MIPOL1: variants seen among roughly 807,000 people sequenced by gnomAD.
The protein encoded by MIPOL1 is mirror-image polydactyly 1, also known as mirror-image polydactyly gene 1 protein.
Under a neutral mutation model 60.9 loss-of-function variants are expected in MIPOL1, and 57 were observed. The ratio of observed to expected loss-of-function variants is 0.94; its 90% confidence interval spans 0.76 to 1.17. The LOEUF (loss-of-function observed/expected upper bound fraction) is 1.17. Ranked by LOEUF, MIPOL1 falls within the 50% of genes most tolerant of loss-of-function variation. The pLI is 0.00. For synonymous variants in MIPOL1, 179 were observed against 168.8 expected (o/e 1.06, Z -0.47); for missense variants, 551 against 511.6 (o/e 1.08, Z -0.74).
intron 12 of MIPOL1, among the ~76,000 whole-genome samples, chr14:37,513,131 A>G (rs1370590593): frequency 6.6e-6 from 1 of 152,096 alleles, no homozygotes; most frequent in East Asian, 1.9e-4. Context: ...AAACATGCTT[A>G]ATTTTTATTC....
chr14:37,314,594 TATC>T (rs1285812375), intron 9 of MIPOL1, among the ~76,000 whole-genome samples: 1 of 152,186 alleles, frequency 6.6e-6, no homozygotes, highest in Non-Finnish European at 1.5e-5. Context: ...CCATTTTAAA[TATC>T]ATCTCTTCTG....
chr14:37,488,112 G>A (rs2094982663), intron 11 of MIPOL1, among the ~76,000 whole-genome samples: 1 of 152,120 alleles, frequency 6.6e-6, no homozygotes. Context: ...TTCAGGAGCA[G>A]GTTGTTCAGA....
At chr14:37,240,932 C>CA (rs1234315357) in intron 1 of MIPOL1, among the ~76,000 whole-genome samples, 1 of 124,428 alleles carries the variant, frequency 8.0e-6, no homozygotes, top group African/African-American at 3.9e-5. Flanking sequence ...AGGTGACACA[C>CA]ACACACATAC....
chr14:37,449,891 C>T (rs1420515801), intron 11 of MIPOL1, among the ~76,000 whole-genome samples: 3 of 152,218 alleles, frequency 2.0e-5, no homozygotes, highest in African/African-American at 7.2e-5. Context: ...CAGCTCACTG[C>T]AACCTTTGCC....
intron 3 of MIPOL1, among the ~76,000 whole-genome samples, 156 bp from the exon 4 acceptor site, chr14:37,266,782 C>T (rs1046305773): frequency 2.0e-5 from 3 of 152,186 alleles, no homozygotes; most frequent in African/African-American, 7.2e-5. Context: ...TTATCTACAA[C>T]TTATCCCAAT....
intron 9 of MIPOL1, among the ~76,000 whole-genome samples, chr14:37,336,100 T>C (rs2090089872): frequency 2.0e-5 from 2 of 99,094 alleles, no homozygotes; most frequent in Admixed American, 3.2e-4. Context: ...GGGTCCAAAT[T>C]CATGGTTTTT....
chr14:37,479,072 T>G (rs1321302894), intron 11 of MIPOL1, among the ~76,000 whole-genome samples: 1 of 152,140 alleles, frequency 6.6e-6, no homozygotes, highest in Non-Finnish European at 1.5e-5. Flanking sequence ...GACGTCAATA[T>G]ACCACTTTAT....
intron 6 of MIPOL1, chr14:37,277,813 G>T (rs1220810140): frequency 6.6e-6 from 1 of 151,408 alleles, no homozygotes; most frequent in Non-Finnish European, 1.5e-5. Flanking sequence ...TGTATACAAA[G>T]ATATCCATTA....
At chr14:37,347,731 A>C (rs1460019600) in intron 9 of MIPOL1, among the ~76,000 whole-genome samples, 3 of 152,232 alleles carry the variant, frequency 2.0e-5, no homozygotes, top group African/African-American at 4.8e-5. Flanking sequence ...TGTGAAACTC[A>C]TAGTGACTTT....
At chr14:37,466,995 T>C in intron 11 of MIPOL1, among the ~76,000 whole-genome samples, 1 of 152,242 alleles carries the variant, frequency 6.6e-6, no homozygotes, top group East Asian at 1.9e-4. Flanking sequence ...TATTTCCTGG[T>C]GATCAAAACA....
chr14:37,439,868 ATT>A (rs948396123), intron 11 of MIPOL1, among the ~76,000 whole-genome samples: 2 of 152,002 alleles, frequency 1.3e-5, no homozygotes, highest in African/African-American at 4.8e-5. Context: ...TAATGAATTT[ATT>A]TTTTTTGAGA....
intron 12 of MIPOL1, chr14:37,504,872 GAAGA>G (rs1301239342): frequency 1.3e-5 from 2 of 152,048 alleles, no homozygotes; most frequent in East Asian, 3.9e-4. Context: ...GACTAATAAA[GAAGA>G]GAGAGAAGAA....
intron 10 of MIPOL1, among the ~76,000 whole-genome samples, chr14:37,384,077 A>G (rs560029553): frequency 6.6e-6 from 1 of 152,068 alleles, no homozygotes; most frequent in South Asian, 2.1e-4. Context: ...GTGCCCATAG[A>G]TAACATGCAT....
intron 1 of MIPOL1, chr14:37,227,792 T>C (rs1392366833): frequency 6.6e-6 from 1 of 152,180 alleles, no homozygotes; most frequent in Non-Finnish European, 1.5e-5. Context: ...CTCAAGGTTG[T>C]TGTGGGAGAA....
chr14:37,271,968 A>G (rs1036874349), intron 6 of MIPOL1, among the ~76,000 whole-genome samples: 1 of 151,632 alleles, frequency 6.6e-6, no homozygotes, highest in Non-Finnish European at 1.5e-5. Context: ...TTTATAATGT[A>G]GCTAAGCAGA....
chr14:37,288,380 A>G (rs990667072), intron 7 of MIPOL1, among the ~76,000 whole-genome samples: 1 of 152,172 alleles, frequency 6.6e-6, no homozygotes, highest in African/African-American at 2.4e-5. Context: ...AACTGTAATT[A>G]CTTTACAAGA....
rs868059605 is a variant in MIPOL1, at chr14:37,372,772, T to A, written c.936+3148T>A. 5.7e-3 allele frequency among the ~76,000 whole-genome samples: 690 copies of A among 120,948 alleles called. 5 individuals carry two copies. Among genetic ancestry groups the A allele is most frequent in the African/African-American group, 0.018 (611 of 33,768 alleles). The allele number at this position is 120,948 out of a possible 152,430, so 79.3% of individuals were successfully genotyped here. On this transcript the variant is annotated intron_variant, in intron 10 of 12. Transcript: ENST00000684589. ...TCCGTCTCAAAAAAAAAAAAAAAAA[T>A]TGCTAGGCATAGCACTGTTTCTCCT...
chr14:37,225,117 T>C, intron 1 of MIPOL1, among the ~76,000 whole-genome samples: 1 of 152,202 alleles, frequency 6.6e-6, no homozygotes, highest in East Asian at 1.9e-4. Flanking sequence ...CCTTGTGTTC[T>C]TGCAGGGTAC....
chr14:37,404,235 G>C (rs1348956718), intron 10 of MIPOL1, among the ~76,000 whole-genome samples: 2 of 151,960 alleles, frequency 1.3e-5, no homozygotes, highest in Non-Finnish European at 2.9e-5. Flanking sequence ...TTGTATACAT[G>C]AAATGTTTAC....
Sources: allele counts gnomAD v4.1 joint callset (sites outside exome capture counted in the v4.1 genomes callset), GRCh38; gene constraint gnomAD v4.1.1; transcripts MANE v1.5; gene names NCBI Gene and HGNC (gene_info 2026-07-23, HGNC 2026-07-21).